The following WDR72 variants were observed in gnomAD, a reference collection of about 807,000 sequenced individuals.
WDR72 encodes WD repeat-containing protein 72.
In WDR72, 120 loss-of-function variants were observed where a neutral mutation model predicts 124.2. That is an observed-to-expected ratio of 0.97 (90% CI 0.83 to 1.12). The LOEUF (loss-of-function observed/expected upper bound fraction) is 1.12, where lower values mean the gene tolerates loss of function less well. Among genes scored for constraint, WDR72 ranks in the 50% most tolerant of loss-of-function variants. The pLI is 0.00. For synonymous variants in WDR72, 452 were observed against 441.7 expected (o/e 1.02, Z -0.29); for missense variants, 1,387 against 1,278.8 (o/e 1.08, Z -1.29).
At chr15:53,727,119 C>T (rs1003234557) in intron 2 of WDR72, among the ~76,000 whole-genome samples, 1 of 150,662 alleles carries the variant, frequency 6.6e-6, no homozygotes, top group Admixed American at 6.6e-5. Context: ...CAAGACCAGC[C>T]TAGCCAACAT....
intron 1 of WDR72, among the ~76,000 whole-genome samples, chr15:53,738,130 TCAAAAG>T (rs2018408507): frequency 1.3e-5 from 2 of 152,134 alleles, no homozygotes; most frequent in East Asian, 3.8e-4. Flanking sequence ...TAGTTAAGAC[TCAAAAG>T]TATGAAAACG....
intron 14 of WDR72, among the ~76,000 whole-genome samples, chr15:53,635,032 T>G (rs2014574238): frequency 6.6e-6 from 1 of 152,240 alleles, no homozygotes; most frequent in East Asian, 1.9e-4. Flanking sequence ...ATAGAAGCTC[T>G]GCTTTTTCCT....
In WDR72 at chr15:53,556,614, T is replaced by C. The variant is rs182121377; in HGVS notation, c.3149-33292A>G. 5.9e-5 allele frequency among the ~76,000 whole-genome samples: 9 copies of C among 152,168 alleles called. No homozygotes were observed. In the East Asian group the frequency reaches 1.7e-3, roughly 30 times the overall value. On this transcript the variant is annotated intron_variant, in intron 18 of 19. Transcript: ENST00000360509. ...CAGCCTAGTAAACTGCCCAAACTGA[T>C]AAAAGTTCAAAGAATAAATATAATT...
At chr15:53,675,356 AAAT>A (rs1264273756) in intron 13 of WDR72, among the ~76,000 whole-genome samples, 2 of 150,646 alleles carry the variant, frequency 1.3e-5, no homozygotes, top group Non-Finnish European at 3.0e-5. Context: ...AAAAAAAAAA[AAAT>A]CTACTATGAC....
chr15:53,536,263 G>A (rs974931124), intron 18 of WDR72, among the ~76,000 whole-genome samples: 1 of 152,150 alleles, frequency 6.6e-6, no homozygotes, highest in African/African-American at 2.4e-5. Flanking sequence ...AGTAGCGTGT[G>A]CAGCTGTAGA....
chr15:53,619,415 A>C (rs2013899270), intron 14 of WDR72, among the ~76,000 whole-genome samples: 1 of 151,934 alleles, frequency 6.6e-6, no homozygotes. Flanking sequence ...TCTTTAAACA[A>C]AATTTTCAGC....
chr15:53,664,288 G>A (rs545118164), intron 14 of WDR72, among the ~76,000 whole-genome samples: 2 of 152,212 alleles, frequency 1.3e-5, no homozygotes, highest in East Asian at 3.9e-4. Context: ...TAACCAGAAT[G>A]CCAATTAAAG....
rs554062020 is a variant in WDR72 at position 53,725,779 on chromosome 15, G to T, written c.154-2871C>A. On this transcript the variant is annotated intron_variant, in intron 2 of 19. Transcript: ENST00000360509. ...GCAGACAATAAAAACATTAGTGGTT[G>T]TCAGGGGTTTGTGGGGAGCAGGAGA... 1.2e-4 allele frequency among the ~76,000 whole-genome samples: 18 copies of T among 152,288 alleles called. No individual in the cohort carries two copies. In the South Asian group the frequency reaches 3.5e-3, roughly 30 times the overall value.
intron 18 of WDR72, among the ~76,000 whole-genome samples, chr15:53,538,376 T>A (rs147687879): frequency 6.6e-6 from 1 of 152,226 alleles, no homozygotes; most frequent in Non-Finnish European, 1.5e-5. Context: ...CATTCACACA[T>A]TAAGATTTAA....
intron 18 of WDR72, among the ~76,000 whole-genome samples, chr15:53,596,771 A>T (rs72745168): frequency 6.6e-6 from 1 of 152,170 alleles, no homozygotes. Context: ...TAGGTCAGAA[A>T]CAGGGCACTT....
chr15:53,713,788 ATGAACAAAG>A (rs1485192397), intron 6 of WDR72, among the ~76,000 whole-genome samples: 1 of 152,144 alleles, frequency 6.6e-6, no homozygotes, highest in Non-Finnish European at 1.5e-5. Flanking sequence ...CAGAAAAAAA[ATGAACAAAG>A]TGCCAACACA....
At chr15:53,711,005 GT>G (rs563562643) in intron 8 of WDR72, 52 bp from the exon 9 acceptor site, 120 of 1,489,414 alleles carry the variant, frequency 8.1e-5, no homozygotes, top group Admixed American at 1.7e-4. Context: ...TTCTTTATTC[GT>G]TTTTTTTCCC....
intron 13 of WDR72, among the ~76,000 whole-genome samples, chr15:53,695,208 T>G (rs1364571652): frequency 6.6e-6 from 1 of 152,214 alleles, no homozygotes; most frequent in East Asian, 1.9e-4. Context: ...GTTTGTACAC[T>G]TAACAGAAGA....
chr15:53,687,069 G>A (rs1025016890), intron 13 of WDR72, among the ~76,000 whole-genome samples: 1 of 150,678 alleles, frequency 6.6e-6, no homozygotes, highest in Non-Finnish European at 1.5e-5. Context: ...GCACTGTGTA[G>A]AGGGAAATTT....
chr15:53,715,047 C>A, intron 5 of WDR72, 146 bp downstream of exon 5: 1 of 868,346 alleles, frequency 1.2e-6, no homozygotes, highest in Non-Finnish European at 1.7e-6. Flanking sequence ...TTTTCTTGAT[C>A]AGGTGTATTA....
chr15:53,753,524 G>C (rs966305934), intron 1 of WDR72, among the ~76,000 whole-genome samples: 5 of 152,162 alleles, frequency 3.3e-5, no homozygotes, highest in African/African-American at 1.2e-4. Context: ...AGGATTTGAG[G>C]CTCATAATCT....
Position 53,674,422 on chromosome 15 carries a change from C to T in WDR72, c.1766-8654G>A, listed in dbSNP as rs79822681. ...CTTGCTCAGAAACACATATGGAGAT[C>T]GACCTAGCACCCCCTTTCTATTAAA... is the stretch of plus-strand genomic sequence containing the variant. On this transcript the variant is annotated intron_variant, in intron 13 of 19. Transcript: ENST00000360509. Among the ~76,000 whole-genome samples, 1,280 of 152,260 alleles carry T rather than the reference C, an allele frequency of 8.4e-3. 17 individuals are homozygous for T. Among genetic ancestry groups the T allele is most frequent in the African/African-American group, 0.03 (1,232 of 41,534 alleles).
intron 9 of WDR72, among the ~76,000 whole-genome samples, chr15:53,708,297 G>A (rs774064505): frequency 1.3e-5 from 2 of 152,146 alleles, no homozygotes; most frequent in African/African-American, 2.4e-5. Flanking sequence ...TAGCTCTATT[G>A]AAAGAGCAAG....
intron 14 of WDR72, among the ~76,000 whole-genome samples, chr15:53,634,912 T>C (rs1192892268): frequency 6.6e-6 from 1 of 152,194 alleles, no homozygotes; most frequent in Non-Finnish European, 1.5e-5. Flanking sequence ...GACAGTGCTA[T>C]TTGCATTCCA....
Sources: gnomAD v4.1 joint callset for allele counts (sites outside exome capture counted in the v4.1 genomes callset) on GRCh38, gnomAD v4.1.1 for gene constraint, MANE v1.5 for transcripts, NCBI Gene and HGNC (gene_info 2026-07-23, HGNC 2026-07-21) for gene names.